Variants in THADA observed in about 807,000 individuals in gnomAD.
THADA encodes the protein tRNA (32-2'-O)-methyltransferase regulator THADA.
Under a neutral mutation model 219.8 loss-of-function variants are expected in THADA, and 213 were observed. The ratio of observed to expected loss-of-function variants is 0.97; its 90% CI spans 0.87 to 1.09. The LOEUF (loss-of-function observed/expected upper bound fraction) is 1.09. Among genes scored for constraint, THADA ranks in the 50% least tolerant of loss-of-function variants. The probability of loss-of-function intolerance (pLI) is 0.00; values close to 1 mark genes in which losing one functional copy is unlikely to be tolerated. For missense variants in THADA, 2,956 were observed against 2,311.3 expected, an observed-to-expected ratio of 1.28 and a Z score of -5.72; for synonymous variants, 1,018 against 828.9, an observed-to-expected ratio of 1.23 and a Z score of -3.92.
At chr2:43,542,472 G>C (rs1160442681) in intron 20 of THADA, among the ~76,000 whole-genome samples, 3 of 152,120 alleles carry the variant, frequency 2.0e-5, no homozygotes, top group East Asian at 1.9e-4. Flanking sequence ...TCCCCACCTA[G>C]TGGAGAATGT....
chr2:43,308,064 T>C (rs1005173936), intron 31 of THADA, among the ~76,000 whole-genome samples: 18 of 151,948 alleles, frequency 1.2e-4, no homozygotes, highest in Admixed American at 9.8e-4. Flanking sequence ...AAGATGAAAA[T>C]AATAGCAGAG....
At chr2:43,257,727 T>C (rs1670488728) in intron 36 of THADA, among the ~76,000 whole-genome samples, 1 of 152,200 alleles carries the variant, frequency 6.6e-6, no homozygotes, top group Non-Finnish European at 1.5e-5. Context: ...AAAAGTTAAA[T>C]TCCCCTGCTA....
chr2:43,408,846 T>C (rs1399385439), intron 28 of THADA, among the ~76,000 whole-genome samples: 4 of 152,204 alleles, frequency 2.6e-5, no homozygotes, highest in African/African-American at 7.2e-5. Flanking sequence ...TTGATGCTAA[T>C]AATAAAAGTT....
rs183555278 is a variant in THADA at position 43,502,209 on chromosome 2, T to A, written c.3622-3254A>T. Among the ~76,000 whole-genome samples the A allele has an allele frequency of 7.9e-3, 1,208 of 152,292 alleles. 23 individuals carry two copies. The highest frequency in any genetic ancestry group is 0.028 in the African/African-American group (1,143 of 41,554). On this transcript the variant is annotated intron_variant, in intron 24 of 37. Coordinates refer to ENST00000405975, the MANE Select transcript of THADA (RefSeq NM_022065.5). The stretch of plus-strand genomic sequence containing the variant: ...CAGCCTGGGTGACAGAGCAAGATCC[T>A]ATCAGTAAAAAATAATAATATGGTT...
intron 36 of THADA, among the ~76,000 whole-genome samples, chr2:43,243,527 G>A (rs1020379988): frequency 6.6e-6 from 1 of 152,008 alleles, no homozygotes; most frequent in Non-Finnish European, 1.5e-5. Context: ...CTAGTACGCC[G>A]GTCTCTATTT....
chr2:43,247,722 C>G (rs369990335), intron 36 of THADA, among the ~76,000 whole-genome samples: 4 of 111,364 alleles, frequency 3.6e-5, no homozygotes, highest in South Asian at 3.4e-4. Context: ...AGCAAGACTC[C>G]GTCTCAAAAA....
At chr2:43,575,765 T>C (rs916675373) in intron 10 of THADA, among the ~76,000 whole-genome samples, 11 of 152,164 alleles carry the variant, frequency 7.2e-5, no homozygotes, top group African/African-American at 2.7e-4. Context: ...CTTGAACTCC[T>C]GACCTCAAGT....
chr2:43,578,098 G>C (rs529483216), intron 9 of THADA, among the ~76,000 whole-genome samples: 1 of 150,850 alleles, frequency 6.6e-6, no homozygotes, highest in East Asian at 1.9e-4. Flanking sequence ...TCATCAGAAG[G>C]AACCAGACAA....
At chr2:43,567,683 T>C (rs1023126281) in intron 14 of THADA, among the ~76,000 whole-genome samples, 1 of 152,184 alleles carries the variant, frequency 6.6e-6, no homozygotes, top group African/African-American at 2.4e-5. Flanking sequence ...GTCATTTATA[T>C]GGTTTAATAT....
At chr2:43,537,331 C>A (rs1694738657) in intron 21 of THADA, among the ~76,000 whole-genome samples, 2 of 152,026 alleles carry the variant, frequency 1.3e-5, no homozygotes, top group Admixed American at 6.6e-5. Context: ...ATTTCTAAGC[C>A]CTTTGACGTC....
chr2:43,425,446 A>ATGTATGTGTG (rs1678295702), intron 28 of THADA, among the ~76,000 whole-genome samples: 1 of 140,410 alleles, frequency 7.1e-6, no homozygotes, highest in Non-Finnish European at 1.5e-5. Context: ...TTAAAATTGT[A>ATGTATGTGTG]TGTGTGTGTG....
chr2:43,280,493 G>T (rs1237504314), intron 35 of THADA, among the ~76,000 whole-genome samples: 1 of 152,092 alleles, frequency 6.6e-6, no homozygotes, highest in Admixed American at 6.6e-5. Context: ...TTAGCTGGGC[G>T]TGGTGACGGG....
At chr2:43,524,576 G>C (rs566725663) in intron 22 of THADA, among the ~76,000 whole-genome samples, 3 of 152,036 alleles carry the variant, frequency 2.0e-5, no homozygotes, top group Non-Finnish European at 4.4e-5. Flanking sequence ...CTTATAAAAC[G>C]CTCTCAAAAG....
At chr2:43,517,018 G>T (rs560771919) in intron 22 of THADA, among the ~76,000 whole-genome samples, 1 of 152,056 alleles carries the variant, frequency 6.6e-6, no homozygotes, top group Non-Finnish European at 1.5e-5. Context: ...TTTTCAGATT[G>T]ATTTCATTCC....
intron 29 of THADA, among the ~76,000 whole-genome samples, chr2:43,374,711 A>G (rs1158976527): frequency 6.6e-6 from 1 of 152,172 alleles, no homozygotes; most frequent in Non-Finnish European, 1.5e-5. Context: ...ACATAATTAA[A>G]TATGTTATAT....
At chr2:43,462,329 G>A (rs1318625021) in intron 26 of THADA, among the ~76,000 whole-genome samples, 1 of 152,074 alleles carries the variant, frequency 6.6e-6, no homozygotes, top group African/African-American at 2.4e-5. Flanking sequence ...GTCCATGAAA[G>A]CCATTTGAAA....
chr2:43,297,729 G>T (rs1476754628), intron 31 of THADA, among the ~76,000 whole-genome samples: 1 of 114,240 alleles, frequency 8.8e-6, no homozygotes, highest in African/African-American at 4.8e-5. Context: ...GAGGTGGGGG[G>T]GTCGGCCCCC....
chr2:43,271,762 G>A (rs995073405), intron 36 of THADA, among the ~76,000 whole-genome samples: 3 of 151,856 alleles, frequency 2.0e-5, no homozygotes, highest in Non-Finnish European at 4.4e-5. Context: ...TTACAGGCAT[G>A]CACCACCACG....
At chr2:43,586,023 G>C (rs935117327) in intron 7 of THADA, among the ~76,000 whole-genome samples, 1 of 152,014 alleles carries the variant, frequency 6.6e-6, no homozygotes, top group Non-Finnish European at 1.5e-5. Flanking sequence ...TCAACACTTC[G>C]GGAGGCTAAA....
Sources: allele counts gnomAD v4.1 joint callset (sites outside exome capture counted in the v4.1 genomes callset), GRCh38; gene constraint gnomAD v4.1.1; transcripts MANE v1.5; gene names NCBI Gene and HGNC (gene_info 2026-07-23, HGNC 2026-07-21).